The following USH2A variants were observed in gnomAD, a reference collection of about 807,000 sequenced individuals.
The protein encoded by USH2A is Usher syndrome 2A (autosomal recessive, mild).
In USH2A, 443 loss-of-function variants were observed where a neutral mutation model predicts 538.9. The ratio of observed to expected loss-of-function variants is 0.82; its 90% CI spans 0.76 to 0.89. The LOEUF is 0.89. Among genes scored for constraint, USH2A ranks in the 40% least tolerant of loss-of-function variants. The pLI is 0.00. For synonymous variants in USH2A, 2,413 were observed against 2,273.5 expected (o/e 1.06, Z -1.75); for missense variants, 6,633 against 6,324.8 (o/e 1.05, Z -1.65).
intron 14 of USH2A, among the ~76,000 whole-genome samples, chr1:216,224,719 A>T (rs2035526918): frequency 6.6e-6 from 1 of 152,142 alleles, no homozygotes. Context: ...AAACCAAGAG[A>T]AAACAATATA....
At chr1:216,390,523 A>G (rs1163720778) in intron 3 of USH2A, among the ~76,000 whole-genome samples, 1 of 152,176 alleles carries the variant, frequency 6.6e-6, no homozygotes, top group Non-Finnish European at 1.5e-5. Context: ...AAATTTTATA[A>G]TGTTTTGGGT....
chr1:215,684,834 C>A (rs1460548518), intron 61 of USH2A, among the ~76,000 whole-genome samples: 1 of 152,072 alleles, frequency 6.6e-6, no homozygotes, highest in Non-Finnish European at 1.5e-5. Context: ...ACGGGGTTCC[C>A]TTGCCTCCTT....
chr1:215,870,458 CTT>C (rs10689595), intron 43 of USH2A, among the ~76,000 whole-genome samples: 8 of 123,086 alleles, frequency 6.5e-5, no homozygotes, highest in Admixed American at 1.7e-4. Flanking sequence ...CCACTCCTAG[CTT>C]TTTTTTTTTT....
chr1:215,645,435 T>C (rs1656815091), intron 67 of USH2A, among the ~76,000 whole-genome samples: 1 of 152,320 alleles, frequency 6.6e-6, no homozygotes, highest in East Asian at 1.9e-4. Flanking sequence ...AGAGCCTCAG[T>C]TCAGATCATA....
At position 215,624,506 on chromosome 1, in the gene USH2A, T is replaced by G. The variant is rs1655925479; in HGVS notation, c.*1275A>C. 6.6e-6 allele frequency: 1 copy of G among 152,118 alleles called. No individual in the cohort carries two copies. Among genetic ancestry groups the G allele is most frequent in the Non-Finnish European group, 1.5e-5 (1 of 68,016 alleles). The allele number at this position is 152,118 out of a possible 1,614,324, so 9.4% of individuals were successfully genotyped here. On this transcript the variant is annotated 3_prime_UTR_variant, in exon 72 of 72. Coordinates refer to ENST00000307340, the MANE Select transcript of USH2A (RefSeq NM_206933.4). ...TATTTTCCTGGGGTCACAAAGACCT[T>G]TAAGGATGAAGGAAGACAAGAGGTT... is the stretch of plus-strand genomic sequence containing the variant.
At position 216,099,657 on chromosome 1, in the gene USH2A, T is replaced by C. The variant is rs537174511; in HGVS notation, c.4628-2444A>G. 2.6e-5 allele frequency among the ~76,000 whole-genome samples: 4 copies of C among 152,272 alleles called. No individual in the cohort carries two copies. In the South Asian group the frequency reaches 8.3e-4, roughly 32 times the overall value. On this transcript the variant is annotated intron_variant, in intron 21 of 71. Coordinates refer to ENST00000307340, the MANE Select transcript of USH2A (RefSeq NM_206933.4). ...GTAACTGAATTAGTAATTGAAAGGATAAACTCTATACATACCAGGAAAGGC... is the reference window on the plus strand; with the variant it reads ...GTAACTGAATTAGTAATTGAAAGGACAAACTCTATACATACCAGGAAAGGC...
At chr1:215,849,995 G>A (rs1028831209) in intron 44 of USH2A, among the ~76,000 whole-genome samples, 1 of 143,416 alleles carries the variant, frequency 7.0e-6, no homozygotes, top group African/African-American at 2.6e-5. Context: ...ATCTTTTTAA[G>A]TTTCATGATA....
chr1:215,759,878 G>C (rs1660929367), intron 56 of USH2A, 35 bp from the exon 57 acceptor site: 1 of 1,612,796 alleles, frequency 6.2e-7, no homozygotes, highest in Non-Finnish European at 8.5e-7. Context: ...TTTATTGTTA[G>C]GAGAAAATAA....
At chr1:215,687,205 C>A (rs1388092754) in intron 61 of USH2A, among the ~76,000 whole-genome samples, 2 of 152,046 alleles carry the variant, frequency 1.3e-5, no homozygotes, top group East Asian at 3.9e-4. Flanking sequence ...AATGCTGTCA[C>A]CTAATGGATT....
At position 215,942,531 on chromosome 1, in the gene USH2A, T is replaced by C. The variant is rs191772193; in HGVS notation, c.7121-7736A>G. ...AAGAGATTTTGGACAAATTGTGAAC[T>C]TTCACAGCTTCTAAATTAAGTGGTA... is the stretch of plus-strand genomic sequence containing the variant. On this transcript the variant is annotated intron_variant, in intron 37 of 71. Coordinates refer to ENST00000307340, the MANE Select transcript of USH2A (RefSeq NM_206933.4). Among the ~76,000 whole-genome samples, 4 of 152,278 alleles carry C rather than the reference T, an allele frequency of 2.6e-5. No individual in the cohort carries two copies. In the East Asian group the frequency reaches 7.7e-4, roughly 29 times the overall value.
At chr1:216,066,127 T>C (rs2031353457) in intron 30 of USH2A, among the ~76,000 whole-genome samples, 1 of 152,084 alleles carries the variant, frequency 6.6e-6, no homozygotes, top group Admixed American at 6.6e-5. Flanking sequence ...AATCTTGCAT[T>C]CTGCTTGCTG....
chr1:216,182,743 T>A (rs1459485808), intron 20 of USH2A, among the ~76,000 whole-genome samples: 1 of 152,072 alleles, frequency 6.6e-6, no homozygotes, highest in Admixed American at 6.6e-5. Flanking sequence ...GACATTAAAT[T>A]CTGGCAGCCA....
chr1:215,966,331 T>C (rs986880598), intron 36 of USH2A, among the ~76,000 whole-genome samples: 3 of 152,166 alleles, frequency 2.0e-5, no homozygotes, highest in Non-Finnish European at 2.9e-5. Context: ...TAGCTTAAAT[T>C]CAGTTAACTA....
chr1:215,967,313 C>G (rs115913254), intron 36 of USH2A, among the ~76,000 whole-genome samples: 2 of 152,146 alleles, frequency 1.3e-5, no homozygotes, highest in African/African-American at 4.8e-5. Context: ...AGACTGCAGG[C>G]GCCCGCCACC....
chr1:216,092,527 T>C (rs564231646), intron 22 of USH2A, among the ~76,000 whole-genome samples: 2 of 152,348 alleles, frequency 1.3e-5, no homozygotes, highest in South Asian at 4.1e-4. Flanking sequence ...AGAAGCTGCA[T>C]TGATATTACT....
At chr1:215,770,238 C>T (rs1300508054) in intron 55 of USH2A, among the ~76,000 whole-genome samples, 5 of 152,186 alleles carry the variant, frequency 3.3e-5, no homozygotes, top group Non-Finnish European at 7.3e-5. Context: ...TGTTCTCCAT[C>T]ACATAAGAGC....
chr1:215,639,040 C>A lies in USH2A; in HGVS notation c.15052+115G>T, dbSNP rs1488284473. ...ACTCTGACAACACTTGGCACAATTT[C>A]TTCTGTATAGTCTATGCTAATATAT... On this transcript the variant is annotated intron_variant, in intron 69 of 71. Transcript: ENST00000307340. The A allele has an allele frequency of 8.8e-5, 87 of 989,046 alleles. 1 individual carries two copies. The South Asian group carries it at 9.6e-4, about 11-fold the overall frequency. The allele number at this position is 989,046 out of a possible 1,614,324, so 61.3% of individuals were successfully genotyped here. A position where few individuals can be genotyped will look rare whatever the true frequency, so the allele number is the denominator to read the frequency against.
chr1:215,699,296 A>T (rs1658923207), intron 61 of USH2A, among the ~76,000 whole-genome samples: 1 of 152,156 alleles, frequency 6.6e-6, no homozygotes, highest in African/African-American at 2.4e-5. Flanking sequence ...TGTCTTGGTT[A>T]TATGGGCTCT....
At chr1:216,186,703 C>T (rs1192583537) in intron 20 of USH2A, among the ~76,000 whole-genome samples, 1 of 151,862 alleles carries the variant, frequency 6.6e-6, no homozygotes, top group Non-Finnish European at 1.5e-5. Flanking sequence ...TTATAATTGG[C>T]ATGGATGTGT....
Sources: allele counts gnomAD v4.1 joint callset (sites outside exome capture counted in the v4.1 genomes callset), GRCh38; gene constraint gnomAD v4.1.1; transcripts MANE v1.5; gene names NCBI Gene and HGNC (gene_info 2026-07-23, HGNC 2026-07-21).